The following P3H2 variants were observed in gnomAD, a reference collection of about 807,000 sequenced individuals.
P3H2 encodes leprecan-like 1.
A neutral mutation model predicts 87.0 loss-of-function variants in P3H2; 80 were observed. The observed-to-expected ratio is 0.92, with a 90% CI of 0.77 to 1.11. The LOEUF (loss-of-function observed/expected upper bound fraction) is 1.11, where lower values mean the gene tolerates loss of function less well. P3H2 is among the 50% of genes least tolerant of loss of function. The pLI is 0.00. For missense variants in P3H2, 1,001 were observed against 923.9 expected (o/e 1.08, Z -1.08); for synonymous variants, 367 against 359.3 (o/e 1.02, Z -0.24).
chr3:190,098,757 A>G (rs1280846345), intron 1 of P3H2, among the ~76,000 whole-genome samples: 1 of 152,196 alleles, frequency 6.6e-6, no homozygotes, highest in Non-Finnish European at 1.5e-5. Flanking sequence ...ACAGTTTCAG[A>G]CTTAACAATG....
At chr3:190,019,788 ATATAT>A (rs1560365208) in intron 1 of P3H2, among the ~76,000 whole-genome samples, 609 of 33,182 alleles carry the variant, frequency 0.018, 68 homozygotes, top group African/African-American at 0.039. Context: ...ATTAAAAAAT[ATATAT>A]ATATATATAT....
chr3:189,996,339 T>A (rs1366574309), intron 1 of P3H2, among the ~76,000 whole-genome samples: 4 of 152,194 alleles, frequency 2.6e-5, no homozygotes, highest in Non-Finnish European at 4.4e-5. Context: ...GATATTATGT[T>A]AAGTGAAATA....
intron 1 of P3H2, among the ~76,000 whole-genome samples, chr3:190,002,977 T>C (rs1724262584): frequency 2.0e-5 from 3 of 152,242 alleles, no homozygotes; most frequent in African/African-American, 4.8e-5. Flanking sequence ...GCCATGCTAA[T>C]GTAGAAAATG....
At chr3:190,051,948 C>T (rs886799014) in intron 1 of P3H2, among the ~76,000 whole-genome samples, 1 of 152,162 alleles carries the variant, frequency 6.6e-6, no homozygotes, top group African/African-American at 2.4e-5. Context: ...TTCACACTTG[C>T]CCAGGAGTCA....
chr3:190,005,983 AC>A (rs1199034989), intron 1 of P3H2, among the ~76,000 whole-genome samples: 5 of 152,244 alleles, frequency 3.3e-5, no homozygotes, highest in Non-Finnish European at 1.5e-5. Context: ...GTATCCAGCC[AC>A]AGCAATAACC....
chr3:190,091,783 T>G (rs1324572699), intron 1 of P3H2, among the ~76,000 whole-genome samples: 1 of 152,230 alleles, frequency 6.6e-6, no homozygotes, highest in Non-Finnish European at 1.5e-5. Flanking sequence ...TGTTTTGTTT[T>G]GACATTCTCT....
At chr3:190,016,813 C>G (rs1156854074) in intron 1 of P3H2, among the ~76,000 whole-genome samples, 2 of 152,158 alleles carry the variant, frequency 1.3e-5, no homozygotes, top group African/African-American at 4.8e-5. Context: ...TGCACGCATT[C>G]AGCAACAGGA....
At position 190,120,517 on chromosome 3, in the gene P3H2, C is replaced by T. The variant is rs1712520727; in HGVS notation, c.215G>A (p.Arg72His). 2.7e-6 allele frequency: 4 copies of T among 1,483,002 alleles called. No individual in the cohort carries two copies. The highest frequency in any genetic ancestry group is 2.7e-6 in the Non-Finnish European group (3 of 1,124,070). 91.9% of individuals were successfully genotyped at this position (1,483,002 alleles called of 1,614,324 possible). ...RAVRDLEAAL[R>H]SHRRLREIRT... is the part of the protein sequence containing the mutation. ...GATTTCCCGCAGGCGCCGGTGGCTG[C>T]GCAGCGCCGCTTCCAAGTCGCGCAC... Residue 72 changes from arginine to histidine, a missense_variant, in exon 1 of 15, where the codon CGC becomes CAC. Arg to His is a conservative substitution (Grantham distance 29, BLOSUM62 0). Transcript: ENST00000319332.
rs147374890 is a variant in P3H2 at position 189,959,970 on chromosome 3, A to G, written c.2035-1966T>C. 1.1e-3 allele frequency among the ~76,000 whole-genome samples: 173 copies of G among 151,266 alleles called. 1 individual carries two copies. The highest frequency in any genetic ancestry group is 4.0e-3 in the African/African-American group (166 of 41,124). On this transcript the variant is annotated intron_variant, in intron 14 of 14. Transcript: ENST00000319332. ...GTTAGAATACAATTCGCATTTCCCA[A>G]TCAGCCTGTGGAATCCGACTCCTGC...
At chr3:190,088,117 T>C (rs1727286984) in intron 1 of P3H2, among the ~76,000 whole-genome samples, 1 of 152,196 alleles carries the variant, frequency 6.6e-6, no homozygotes, top group Non-Finnish European at 1.5e-5. Flanking sequence ...ATAATCTTTA[T>C]TTCAATAGAT....
chr3:190,114,046 C>A (rs1183214839), intron 1 of P3H2, among the ~76,000 whole-genome samples: 1 of 124,300 alleles, frequency 8.0e-6, no homozygotes, highest in Admixed American at 8.0e-5. Context: ...CGCCACCACA[C>A]TCCAGCCTGG....
chr3:190,092,695 G>A (rs972049648), intron 1 of P3H2, among the ~76,000 whole-genome samples: 1 of 152,186 alleles, frequency 6.6e-6, no homozygotes, highest in African/African-American at 2.4e-5. Context: ...TATTTTGAAA[G>A]CTCATTCATT....
chr3:190,082,313 G>A (rs1044006112), intron 1 of P3H2, among the ~76,000 whole-genome samples: 8 of 152,078 alleles, frequency 5.3e-5, no homozygotes, highest in East Asian at 1.9e-4. Context: ...AGCTTGAGGC[G>A]AACCTGGATG....
At chr3:190,011,441 C>T (rs990682977) in intron 1 of P3H2, among the ~76,000 whole-genome samples, 4 of 151,932 alleles carry the variant, frequency 2.6e-5, no homozygotes, top group African/African-American at 9.7e-5. Context: ...TTGGTTTATC[C>T]TAAAAAATAA....
chr3:190,040,696 T>C (rs1388487274), intron 1 of P3H2, among the ~76,000 whole-genome samples: 1 of 152,108 alleles, frequency 6.6e-6, no homozygotes, highest in Admixed American at 6.5e-5. Flanking sequence ...AACTGCATCA[T>C]TGCCTGTGGA....
chr3:189,983,868 T>C (rs1036684837), intron 7 of P3H2, among the ~76,000 whole-genome samples: 1 of 151,906 alleles, frequency 6.6e-6, no homozygotes, highest in Non-Finnish European at 1.5e-5. Flanking sequence ...TCTAACCTTC[T>C]GAGTTTCAGT....
chr3:190,107,803 A>C (rs1431293839), intron 1 of P3H2, among the ~76,000 whole-genome samples: 1 of 152,214 alleles, frequency 6.6e-6, no homozygotes, highest in Non-Finnish European at 1.5e-5. Flanking sequence ...CAAGCCTCAG[A>C]ATAGTACAGA....
At position 190,098,213 on chromosome 3, in the gene P3H2, A is replaced by C. The variant is rs530191045; in HGVS notation, c.480+22039T>G. ...ATACTTTCCTTAGTCCTTATTGCAT[A>C]CGTGTTCCATAATCAATATTAGTAG... On this transcript the variant is annotated intron_variant, in intron 1 of 14. Transcript: ENST00000319332. 1.7e-4 allele frequency among the ~76,000 whole-genome samples: 26 copies of C among 152,324 alleles called. 1 individual carries two copies. The South Asian group carries it at 5.2e-3, about 30-fold the overall frequency.
chr3:190,039,129 C>T (rs776696163), intron 1 of P3H2, among the ~76,000 whole-genome samples: 7 of 150,646 alleles, frequency 4.6e-5, no homozygotes, highest in Non-Finnish European at 1.0e-4. Context: ...GCAGAGGTTG[C>T]GGTGAGCCGA....
Sources: allele counts gnomAD v4.1 joint callset (sites outside exome capture counted in the v4.1 genomes callset), GRCh38; gene constraint gnomAD v4.1.1; transcripts MANE v1.5; gene names NCBI Gene and HGNC (gene_info 2026-07-23, HGNC 2026-07-21).